Variants in SFMBT2 observed in about 807,000 individuals in gnomAD.
The protein encoded by SFMBT2 is scm-like with four MBT domains protein 2.
In SFMBT2, 38 loss-of-function variants were observed where a neutral mutation model predicts 110.1. That is an observed-to-expected ratio of 0.35 (90% CI 0.27 to 0.45). The LOEUF is 0.45. SFMBT2 is among the 20% of genes least tolerant of loss of function. The probability of loss-of-function intolerance (pLI) is 1.00; values close to 1 mark genes in which losing one functional copy is unlikely to be tolerated. For synonymous variants in SFMBT2, 425 were observed against 425.4 expected, an observed-to-expected ratio of 1.00 and a Z score of 0.01; for missense variants, 1,011 against 1,094.9, an observed-to-expected ratio of 0.92 and a Z score of 1.08.
intron 12 of SFMBT2, chr10:7,204,634 G>A (rs1424653160): frequency 2.4e-6 from 1 of 416,296 alleles, no homozygotes; most frequent in Non-Finnish European, 3.2e-6. Context: ...AGCACTTTGG[G>A]AGGCCAAGGC....
At chr10:7,410,698 C>T (rs1846351056) in intron 1 of SFMBT2, among the ~76,000 whole-genome samples, 163 bp downstream of exon 1, 1 of 151,904 alleles carries the variant, frequency 6.6e-6, no homozygotes, top group Non-Finnish European at 1.5e-5. Context: ...CCCCCACCCG[C>T]CACCTCCAAC....
intron 11 of SFMBT2, among the ~76,000 whole-genome samples, chr10:7,213,220 C>T (rs1261247577): frequency 6.8e-6 from 1 of 147,754 alleles, no homozygotes; most frequent in African/African-American, 2.5e-5. Context: ...ACGTTCTGCA[C>T]ACGTATCCCA....
intron 15 of SFMBT2, among the ~76,000 whole-genome samples, chr10:7,196,429 C>T (rs2131592671): frequency 6.6e-6 from 1 of 152,352 alleles, no homozygotes; most frequent in South Asian, 2.1e-4. Context: ...GGATCCTACA[C>T]ACTCTGCCTA....
rs1004789158 is a variant in SFMBT2, at chr10:7,266,381, C to T, written c.870+10511G>A. On this transcript the variant is annotated intron_variant, in intron 7 of 20. Coordinates refer to ENST00000397167, the MANE Select transcript of SFMBT2 (RefSeq NM_001387889.1). ...CTGGGATTACAGGCATGAGCCACCACGCCCAGTCCAGGGTTTTCTAATTTT... is the reference window on the plus strand; with the variant it reads ...CTGGGATTACAGGCATGAGCCACCATGCCCAGTCCAGGGTTTTCTAATTTT... Among the ~76,000 whole-genome samples, 8 of 152,264 alleles carry T rather than the reference C, an allele frequency of 5.3e-5. No homozygotes were observed. The Middle Eastern group carries it at 0.01, about 194-fold the overall frequency.
chr10:7,287,979 A>G (rs1475943868), intron 4 of SFMBT2, among the ~76,000 whole-genome samples: 2 of 152,254 alleles, frequency 1.3e-5, no homozygotes, highest in Non-Finnish European at 2.9e-5. Context: ...CAAATAAAAT[A>G]TAACCAACCC....
chr10:7,305,536 TA>T (rs1413901993), intron 4 of SFMBT2, among the ~76,000 whole-genome samples: 2 of 152,066 alleles, frequency 1.3e-5, no homozygotes, highest in African/African-American at 4.8e-5. Flanking sequence ...AACAAGAAAA[TA>T]AATTGCACCA....
intron 7 of SFMBT2, among the ~76,000 whole-genome samples, chr10:7,258,683 C>A (rs1444709101): frequency 5.3e-5 from 8 of 152,170 alleles, no homozygotes; most frequent in Admixed American, 5.2e-4. Flanking sequence ...CTGAAAAAAC[C>A]ATCCAGAACC....
At chr10:7,269,539 G>A (rs553112050) in intron 7 of SFMBT2, among the ~76,000 whole-genome samples, 8 of 152,272 alleles carry the variant, frequency 5.3e-5, no homozygotes, top group Non-Finnish European at 2.9e-5. Flanking sequence ...CTTCTGTCTC[G>A]TAACAGCTGA....
At chr10:7,410,540 T>C (rs1030978953) in intron 1 of SFMBT2, among the ~76,000 whole-genome samples, 87 of 152,194 alleles carry the variant, frequency 5.7e-4, no homozygotes, top group African/African-American at 2.0e-3. Flanking sequence ...ACGGCTCGGC[T>C]TTTCCGAGCC....
chr10:7,272,856 A>G (rs1841639790), intron 7 of SFMBT2, among the ~76,000 whole-genome samples: 1 of 152,174 alleles, frequency 6.6e-6, no homozygotes, highest in South Asian at 2.1e-4. Context: ...GCAGTGGTGC[A>G]ATCTCAGCTC....
chr10:7,243,210 T>G (rs1053201048), intron 9 of SFMBT2, among the ~76,000 whole-genome samples: 2 of 152,242 alleles, frequency 1.3e-5, no homozygotes, highest in Non-Finnish European at 2.9e-5. Flanking sequence ...TCACCAACAT[T>G]GTGTTACATT....
At chr10:7,189,345 T>C (rs2131578136) in intron 15 of SFMBT2, 1 of 205,716 alleles carries the variant, frequency 4.9e-6, no homozygotes, top group African/African-American at 2.4e-5. Flanking sequence ...CACCCCTCAC[T>C]CCCAAGTCCA....
chr10:7,330,489 C>T (rs1221253758), intron 4 of SFMBT2, among the ~76,000 whole-genome samples: 1 of 152,198 alleles, frequency 6.6e-6, no homozygotes, highest in Non-Finnish European at 1.5e-5. Flanking sequence ...ACCACCCACC[C>T]TGTCATCCGT....
intron 11 of SFMBT2, chr10:7,219,884 C>T (rs542915282): frequency 5.9e-6 from 1 of 169,240 alleles, no homozygotes; most frequent in South Asian, 1.9e-4. Context: ...TTTCTTGCAC[C>T]TGTAAATACG....
Position 7,172,222 on chromosome 10 carries a change from G to A in SFMBT2, c.2152-64C>T, listed in dbSNP as rs1189008825. 17 of 1,502,242 alleles carry A rather than the reference G, an allele frequency of 1.1e-5. No individual in the cohort carries two copies. Among genetic ancestry groups the A allele is most frequent in the Middle Eastern group, 2.0e-4 (1 of 5,050 alleles). The allele number at this position is 1,502,242 out of a possible 1,614,324, so 93.1% of individuals were successfully genotyped here. ...CGGGGGCCTGTAGCGGTGGCCCCGC[G>A]GTCAGACCCTGGGCCCAGTGCAGAC... On this transcript the variant is annotated intron_variant, in intron 18 of 20. Transcript: ENST00000397167. This position sits in a 1 kb window ranked among gnomAD's most constrained non-coding sequence, Gnocchi z 4.6.
At position 7,171,668 on chromosome 10, in the gene SFMBT2, A is replaced by T. The variant is rs992521020; in HGVS notation, c.2415+227T>A. The T allele has an allele frequency of 1.3e-6, 1 of 793,320 alleles. No homozygotes were observed. Among genetic ancestry groups the T allele is most frequent in the African/African-American group, 1.9e-5 (1 of 53,412 alleles). The allele number at this position is 793,320 out of a possible 1,614,324, so 49.1% of individuals were successfully genotyped here. On this transcript the variant is annotated intron_variant, in intron 19 of 20. Coordinates refer to ENST00000397167, the MANE Select transcript of SFMBT2 (RefSeq NM_001387889.1). This position sits in a 1 kb window ranked among gnomAD's most constrained non-coding sequence, Gnocchi z 4.9. ...AACCCAGGTGGCACTAAAGCCGTCC[A>T]GGAAAGAGGCGCTGTCTCCACCCTG...
Position 7,241,264 on chromosome 10 carries a change from T to G in SFMBT2, c.1120+2294A>C. The G allele has an allele frequency of 9.1e-6, 8 of 877,492 alleles. 2 individuals carry two copies. The South Asian group carries it at 3.7e-4, about 40-fold the overall frequency. The allele number at this position is 877,492 out of a possible 1,614,324, so 54.4% of individuals were successfully genotyped here. On this transcript the variant is annotated intron_variant, in intron 9 of 20. Transcript: ENST00000397167. Reference sequence around the variant, plus strand: ...TATATAAATTACCCAGTCTCAGGTATGTCTTTATGAGCAGCATGAGAACAG... The same window carrying G: ...TATATAAATTACCCAGTCTCAGGTAGGTCTTTATGAGCAGCATGAGAACAG...
chr10:7,259,461 A>G (rs1841130016), intron 7 of SFMBT2, among the ~76,000 whole-genome samples: 1 of 152,188 alleles, frequency 6.6e-6, no homozygotes, highest in Non-Finnish European at 1.5e-5. Flanking sequence ...GGGGGCCAGA[A>G]TCTTTGTTGG....
chr10:7,289,676 T>C (rs1334167555), intron 4 of SFMBT2, among the ~76,000 whole-genome samples: 1 of 152,246 alleles, frequency 6.6e-6, no homozygotes, highest in Non-Finnish European at 1.5e-5. Flanking sequence ...GCTAATTTTA[T>C]AAGAAAAACT....
Sources: gnomAD v4.1 joint callset for allele counts (sites outside exome capture counted in the v4.1 genomes callset) on GRCh38, gnomAD v4.1.1 for gene constraint, Gnocchi (gnomAD v3.1) non-coding constraint, MANE v1.5 for transcripts, NCBI Gene and HGNC (gene_info 2026-07-23, HGNC 2026-07-21) for gene names.